GLIS3: variants seen among roughly 807,000 people sequenced by gnomAD.
The protein encoded by GLIS3 is zinc finger protein GLIS3.
Under a neutral mutation model 78.6 loss-of-function variants are expected in GLIS3, and 53 were observed. The observed-to-expected ratio is 0.67, with a 90% CI of 0.54 to 0.85. The LOEUF is 0.85. Ranked by LOEUF, GLIS3 falls within the 40% of genes least tolerant of loss-of-function variation. The pLI is 0.00. For synonymous variants in GLIS3, 684 were observed against 509.9 expected, an observed-to-expected ratio of 1.34 and a Z score of -4.60; for missense variants, 1,703 against 1,231.1, an observed-to-expected ratio of 1.38 and a Z score of -5.74.
intron 8 of GLIS3, among the ~76,000 whole-genome samples, chr9:3,876,225 G>A (rs1001906390): frequency 1.3e-5 from 2 of 152,032 alleles, no homozygotes; most frequent in Admixed American, 6.5e-5. Flanking sequence ...TAAAATAAAT[G>A]TCCCGAGTTC....
chr9:4,369,572 A>AG, the GLIS3 span, among the ~76,000 whole-genome samples: 1 of 152,196 alleles, frequency 6.6e-6, no homozygotes, highest in South Asian at 2.1e-4. Flanking sequence ...ACTCAGGTGT[A>AG]GTCCTGGCTC....
intron 8 of GLIS3, among the ~76,000 whole-genome samples, chr9:3,875,219 C>T (rs763641930): frequency 2.6e-5 from 4 of 152,148 alleles, no homozygotes; most frequent in African/African-American, 9.7e-5. Flanking sequence ...CACCACTTCC[C>T]GTAATAAGTT....
chr9:4,280,137 G>A (rs1332731492), intron 2 of GLIS3, among the ~76,000 whole-genome samples: 6 of 152,076 alleles, frequency 3.9e-5, no homozygotes, highest in East Asian at 1.9e-4. Context: ...CTCCCACCTC[G>A]GCCTCCCGCA....
chr9:4,389,574 A>G, the GLIS3 span, among the ~76,000 whole-genome samples: 1 of 152,228 alleles, frequency 6.6e-6, no homozygotes, highest in African/African-American at 2.4e-5. Context: ...TTAGAGTTCA[A>G]TAGAAGAATC....
intron 4 of GLIS3, among the ~76,000 whole-genome samples, chr9:4,061,571 T>G (rs979230165): frequency 2.0e-5 from 3 of 152,144 alleles, no homozygotes; most frequent in African/African-American, 7.2e-5. Context: ...AGCCATAAAA[T>G]GGTTTAATTG....
intron 4 of GLIS3, among the ~76,000 whole-genome samples, chr9:4,061,385 A>C (rs2130563506): frequency 6.6e-6 from 1 of 152,008 alleles, no homozygotes; most frequent in Admixed American, 6.6e-5. Flanking sequence ...TTCCTACAAA[A>C]CATGAACTCA....
chr9:4,469,413 G>C, the GLIS3 span, among the ~76,000 whole-genome samples: 1 of 152,098 alleles, frequency 6.6e-6, no homozygotes, highest in Middle Eastern at 3.2e-3. Flanking sequence ...AAATGTAAAA[G>C]AACAGAAATT....
rs1323637645 is a variant in GLIS3, at chr9:3,880,358, C to CTAAT, written c.2129-767_2129-764dup. Among the ~76,000 whole-genome samples the CTAAT allele has an allele frequency of 9.8e-5, 15 of 152,308 alleles. No homozygotes were observed. The East Asian group carries it at 2.7e-3, about 27-fold the overall frequency. On this transcript the variant is annotated intron_variant, in intron 7 of 10. Transcript: ENST00000381971. ...GTGAATACGTGCCCATTTAGATCAGCTAATTGGTACGATGTCACAGAAGAA... is the reference window on the plus strand; with the variant it reads ...GTGAATACGTGCCCATTTAGATCAGCTAATTAATTGGTACGATGTCACAGAAGAA...
At chr9:3,990,968 T>C (rs1296555971) in intron 4 of GLIS3, among the ~76,000 whole-genome samples, 1 of 152,182 alleles carries the variant, frequency 6.6e-6, no homozygotes, top group African/African-American at 2.4e-5. Context: ...GTGAAGCAGT[T>C]TTGTTTAGCC....
At chr9:4,266,264 C>T (rs914337197) in intron 2 of GLIS3, among the ~76,000 whole-genome samples, 1 of 151,992 alleles carries the variant, frequency 6.6e-6, no homozygotes, top group African/African-American at 2.4e-5. Context: ...GGAAAATGAG[C>T]CACCTGGCTC....
chr9:4,128,662 T>C (rs1832747291), intron 2 of GLIS3, among the ~76,000 whole-genome samples: 2 of 152,198 alleles, frequency 1.3e-5, no homozygotes. Context: ...AATTGCTAAC[T>C]AGATCTGAAT....
chr9:4,486,250 C>G, the GLIS3 span, among the ~76,000 whole-genome samples: 1 of 152,140 alleles, frequency 6.6e-6, no homozygotes, highest in Non-Finnish European at 1.5e-5. Context: ...TCTGACTTCC[C>G]CTGCCACCGT....
At chr9:4,233,110 G>A (rs1038325185) in intron 2 of GLIS3, among the ~76,000 whole-genome samples, 1 of 152,170 alleles carries the variant, frequency 6.6e-6, no homozygotes, top group Non-Finnish European at 1.5e-5. Flanking sequence ...AAATACAAAG[G>A]TGACATCTTT....
At chr9:4,251,951 G>A (rs1054309749) in intron 2 of GLIS3, among the ~76,000 whole-genome samples, 1 of 152,180 alleles carries the variant, frequency 6.6e-6, no homozygotes, top group Non-Finnish European at 1.5e-5. Context: ...CTTCTGGCTT[G>A]TAGGGTTTGT....
the GLIS3 span, among the ~76,000 whole-genome samples, chr9:4,462,648 C>CACAG: frequency 8.8e-5 from 13 of 148,152 alleles, no homozygotes; most frequent in African/African-American, 3.3e-4. Context: ...CGCACACACA[C>CACAG]ACACACACAC....
chr9:4,470,907 C>G, the GLIS3 span, among the ~76,000 whole-genome samples: 2 of 152,016 alleles, frequency 1.3e-5, no homozygotes, highest in Non-Finnish European at 2.9e-5. Flanking sequence ...TCAGCAAAGT[C>G]TCAGGATACA....
At chr9:4,335,967 G>A (rs927436277) in intron 2 of GLIS3, among the ~76,000 whole-genome samples, 1 of 152,210 alleles carries the variant, frequency 6.6e-6, no homozygotes, top group African/African-American at 2.4e-5. Context: ...GGTGACAGGT[G>A]ATGAAGAAGA....
rs557156893 is a variant in GLIS3, at chr9:3,845,336, G to A, written c.2473+10673C>T. Among the ~76,000 whole-genome samples, 16 of 152,164 alleles carry A rather than the reference G, an allele frequency of 1.1e-4. No homozygotes were observed. In the South Asian group the frequency reaches 3.1e-3, roughly 30 times the overall value. ...ATAGAATGTGAGGTGCAGAACGTGAGGCCATTTTTATAACAGGGCATATGG... is the reference window on the plus strand; with the variant it reads ...ATAGAATGTGAGGTGCAGAACGTGAAGCCATTTTTATAACAGGGCATATGG... On this transcript the variant is annotated intron_variant, in intron 9 of 10. Coordinates refer to ENST00000381971, the MANE Select transcript of GLIS3 (RefSeq NM_001042413.2).
chr9:4,335,932 T>A (rs181472722), intron 2 of GLIS3, among the ~76,000 whole-genome samples: 1 of 152,158 alleles, frequency 6.6e-6, no homozygotes, highest in Admixed American at 6.5e-5. Flanking sequence ...AAGGTAAAAA[T>A]TTGCGGACTT....
Sources: allele counts gnomAD v4.1 joint callset (sites outside exome capture counted in the v4.1 genomes callset), GRCh38; gene constraint gnomAD v4.1.1; transcripts MANE v1.5; gene names NCBI Gene and HGNC (gene_info 2026-07-23, HGNC 2026-07-21).